The following SERINC5 variants were observed in gnomAD, a reference collection of about 807,000 sequenced individuals.
SERINC5 encodes serine incorporator 5.
A neutral mutation model predicts 63.1 loss-of-function variants in SERINC5; 41 were observed. The ratio of observed to expected loss-of-function variants is 0.65; its 90% CI spans 0.51 to 0.84. The LOEUF (loss-of-function observed/expected upper bound fraction) is 0.84. Among genes scored for constraint, SERINC5 ranks in the 40% least tolerant of loss-of-function variants. The pLI is 0.00. For missense variants in SERINC5, 523 were observed against 573.0 expected, an observed-to-expected ratio of 0.91 and a Z score of 0.89; for synonymous variants, 222 against 215.2, an observed-to-expected ratio of 1.03 and a Z score of -0.28.
At chr5:80,176,909 A>C (rs1748070501) in intron 4 of SERINC5, among the ~76,000 whole-genome samples, 1 of 152,228 alleles carries the variant, frequency 6.6e-6, no homozygotes, top group Non-Finnish European at 1.5e-5. Context: ...ACAATAAAGA[A>C]TATAATTCAA....
In SERINC5 at chr5:80,182,553, C is replaced by G. The variant is rs545118250; in HGVS notation, c.196-4489G>C. 5.9e-4 allele frequency among the ~76,000 whole-genome samples: 76 copies of G among 128,204 alleles called. 5 individuals carry two copies. In the South Asian group the frequency reaches 6.0e-3, roughly 10 times the overall value. 84.1% of individuals were successfully genotyped at this position (128,204 alleles called of 152,430 possible). On this transcript the variant is annotated intron_variant, in intron 2 of 11. Coordinates refer to ENST00000507668, the MANE Select transcript of SERINC5 (RefSeq NM_001174072.3). ...CTTCTATCATCTGACCGCCCCCCCCCCCTCCGCTTTTTTTTAATTGAGACC... is the reference window on the plus strand; with the variant it reads ...CTTCTATCATCTGACCGCCCCCCCCGCCTCCGCTTTTTTTTAATTGAGACC...
At chr5:80,173,217 GGA>G (rs1561392947) in intron 5 of SERINC5, among the ~76,000 whole-genome samples, 1 of 137,738 alleles carries the variant, frequency 7.3e-6, no homozygotes, top group African/African-American at 2.8e-5. Flanking sequence ...AGGAAAGGCA[GGA>G]AGGAAAGAAG....
At chr5:80,250,628 G>A (rs1752369322) in intron 1 of SERINC5, among the ~76,000 whole-genome samples, 1 of 152,252 alleles carries the variant, frequency 6.6e-6, no homozygotes, top group South Asian at 2.1e-4. Flanking sequence ...GCCCGGCCTG[G>A]AATCATCATT....
chr5:80,233,316 ACTCAGGAGGCTGAGACAGGAGAAT>A (rs1270863386), intron 1 of SERINC5, among the ~76,000 whole-genome samples: 1 of 131,048 alleles, frequency 7.6e-6, no homozygotes, highest in Non-Finnish European at 1.7e-5. Flanking sequence ...AATCCCAGCT[ACTCAGGAGGCTGAGACAGGAGAAT>A]CACTTGAACC....
intron 8 of SERINC5, among the ~76,000 whole-genome samples, chr5:80,151,840 C>T (rs1300439962): frequency 1.3e-5 from 2 of 152,074 alleles, no homozygotes; most frequent in African/African-American, 2.4e-5. Flanking sequence ...CTGACATGGG[C>T]GGGCGTGTTG....
chr5:80,244,602 G>A (rs1344827424), intron 1 of SERINC5, among the ~76,000 whole-genome samples: 3 of 151,414 alleles, frequency 2.0e-5, no homozygotes, highest in East Asian at 2.0e-4. Flanking sequence ...AGGCTGAGGC[G>A]GGTTGATCAG....
intron 1 of SERINC5, among the ~76,000 whole-genome samples, chr5:80,246,704 T>A (rs1752186740): frequency 6.6e-6 from 1 of 152,200 alleles, no homozygotes; most frequent in Non-Finnish European, 1.5e-5. Flanking sequence ...CAAACAGATG[T>A]TCTGTGTAAT....
chr5:80,240,938 T>A (rs894214548), intron 1 of SERINC5, among the ~76,000 whole-genome samples: 1 of 152,200 alleles, frequency 6.6e-6, no homozygotes, highest in Non-Finnish European at 1.5e-5. Flanking sequence ...CCCCAAAAAG[T>A]GCTGGGATTA....
intron 11 of SERINC5, among the ~76,000 whole-genome samples, chr5:80,121,671 A>G (rs1348265950): frequency 6.6e-6 from 1 of 152,148 alleles, no homozygotes; most frequent in Non-Finnish European, 1.5e-5. Context: ...TTTTAAAAAG[A>G]GGTTTATTTT....
intron 2 of SERINC5, among the ~76,000 whole-genome samples, chr5:80,189,902 G>A (rs1374798854): frequency 6.6e-6 from 1 of 151,952 alleles, no homozygotes; most frequent in Non-Finnish European, 1.5e-5. Flanking sequence ...TAGAGACAGG[G>A]TTTTAACTAT....
At position 80,139,586 on chromosome 5, in the gene SERINC5, G is replaced by C; in HGVS notation, c.*4077C>G. The C allele has an allele frequency of 2.0e-6, 2 of 976,326 alleles. No homozygotes were observed. Among genetic ancestry groups the C allele is most frequent in the Non-Finnish European group, 2.4e-6 (2 of 826,814 alleles). The allele number at this position is 976,326 out of a possible 1,614,324, so 60.5% of individuals were successfully genotyped here. On this transcript the variant is annotated 3_prime_UTR_variant, in exon 12 of 12. Coordinates refer to ENST00000507668, the MANE Select transcript of SERINC5 (RefSeq NM_001174072.3). ...ACTGCCTCTGTGAAAGAGTTGTTGA[G>C]AAAGAAGAAAAGAGAGAGAGAGAGA...
At chr5:80,127,114 G>C (rs976528805) in intron 11 of SERINC5, among the ~76,000 whole-genome samples, 1 of 152,084 alleles carries the variant, frequency 6.6e-6, no homozygotes, top group Non-Finnish European at 1.5e-5. Flanking sequence ...CATTACAGTA[G>C]ATTTTATTAC....
In SERINC5 at chr5:80,142,009, G is replaced by A; in HGVS notation, c.*1654C>T. ...ACTAATTTCACCCACCAGCATTTTG[G>A]CACACAGAAGCCCAGCTTAGGTGGC... On this transcript the variant is annotated 3_prime_UTR_variant, in exon 12 of 12. Transcript: ENST00000507668. 1.0e-6 allele frequency: 1 copy of A among 985,356 alleles called. No individual in the cohort carries two copies. Among genetic ancestry groups the A allele is most frequent in the Non-Finnish European group, 1.2e-6 (1 of 829,924 alleles). The allele number at this position is 985,356 out of a possible 1,614,324, so 61.0% of individuals were successfully genotyped here.
chr5:80,203,155 G>C (rs1749955824), intron 1 of SERINC5, 102 bp from the exon 2 acceptor site: 1 of 1,153,798 alleles, frequency 8.7e-7, no homozygotes, highest in Non-Finnish European at 1.2e-6. Context: ...CTGCTACTCG[G>C]GGGGCTGGAG....
At chr5:80,119,845 T>C (rs1744474683) in intron 11 of SERINC5, among the ~76,000 whole-genome samples, 1 of 152,194 alleles carries the variant, frequency 6.6e-6, no homozygotes, top group South Asian at 2.1e-4. Context: ...GAACCAACCA[T>C]TTTAAATAAC....
chr5:80,154,666 T>C (rs960847926), intron 8 of SERINC5, among the ~76,000 whole-genome samples: 7 of 152,160 alleles, frequency 4.6e-5, no homozygotes, highest in African/African-American at 1.4e-4. Context: ...CTTTTTTTAA[T>C]GTAGAACAAT....
intron 7 of SERINC5, among the ~76,000 whole-genome samples, chr5:80,164,921 T>G (rs982132737): frequency 1.4e-5 from 2 of 139,462 alleles, no homozygotes; most frequent in South Asian, 2.4e-4. Flanking sequence ...TTTTTTTTTT[T>G]TTTTTTTTTT....
intron 2 of SERINC5, among the ~76,000 whole-genome samples, chr5:80,178,738 A>C (rs1276303499): frequency 6.6e-6 from 1 of 151,826 alleles, no homozygotes; most frequent in Admixed American, 6.6e-5. Context: ...ACATATATAC[A>C]AATAAAAAAT....
chr5:80,223,695 C>T (rs977360008), intron 1 of SERINC5, among the ~76,000 whole-genome samples: 1 of 152,036 alleles, frequency 6.6e-6, no homozygotes, highest in African/African-American at 2.4e-5. Context: ...TTCCTAGTAC[C>T]CTACGCATCC....
Sources: allele counts gnomAD v4.1 joint callset (sites outside exome capture counted in the v4.1 genomes callset), GRCh38; gene constraint gnomAD v4.1.1; transcripts MANE v1.5; gene names NCBI Gene and HGNC (gene_info 2026-07-23, HGNC 2026-07-21).